Variants in NEGR1 observed in about 807,000 individuals in gnomAD.
NEGR1 encodes the protein IgLON family member 4.
A neutral mutation model predicts 40.9 loss-of-function variants in NEGR1; 10 were observed. The observed-to-expected ratio is 0.24, with a 90% CI of 0.15 to 0.42. The LOEUF is 0.42. Among genes scored for constraint, NEGR1 ranks in the 10% least tolerant of loss-of-function variants. NEGR1 has a pLI of 1.00. For synonymous variants in NEGR1, 185 were observed against 166.8 expected, an observed-to-expected ratio of 1.11 and a Z score of -0.84; for missense variants, 352 against 438.9, an observed-to-expected ratio of 0.80 and a Z score of 1.77.
intron 1 of NEGR1, among the ~76,000 whole-genome samples, chr1:72,122,721 A>G (rs1485640058): frequency 6.6e-6 from 1 of 151,920 alleles, no homozygotes; most frequent in Non-Finnish European, 1.5e-5. Context: ...CTCCCATGGT[A>G]GCAATTTTTA....
intron 6 of NEGR1, among the ~76,000 whole-genome samples, chr1:71,480,020 CT>C (rs1202218729): frequency 6.6e-6 from 1 of 151,788 alleles, no homozygotes; most frequent in Non-Finnish European, 1.5e-5. Flanking sequence ...TATTTTAAGG[CT>C]TTTGAAGCAG....
rs569124302 is a variant in NEGR1 at position 71,645,258 on chromosome 1, T to C, written c.668-34112A>G. Among the ~76,000 whole-genome samples, 3 of 152,166 alleles carry C rather than the reference T, an allele frequency of 2.0e-5. No individual in the cohort carries two copies. The South Asian group carries it at 6.2e-4, about 31-fold the overall frequency. ...AATAATGCAAGCACTTTCAGAGTGC[T>C]TTGCACATAGTATGCATAGTACTCA... is the stretch of plus-strand genomic sequence containing the variant. On this transcript the variant is annotated intron_variant, in intron 4 of 6. Transcript: ENST00000357731.
chr1:71,611,170 A>C (rs768570798), intron 4 of NEGR1, 24 bp from the exon 5 acceptor site: 1 of 1,598,220 alleles, frequency 6.3e-7, no homozygotes, highest in Non-Finnish European at 8.6e-7. Flanking sequence ...AAACAAACAA[A>C]TACTAGTAGA....
chr1:71,786,429 G>A (rs909877914), intron 2 of NEGR1, among the ~76,000 whole-genome samples: 2 of 152,152 alleles, frequency 1.3e-5, no homozygotes, highest in Non-Finnish European at 2.9e-5. Flanking sequence ...CTGTGCTCTA[G>A]AAAGGGAGTG....
chr1:72,240,740 C>CTA (rs1654705247), intron 1 of NEGR1, among the ~76,000 whole-genome samples: 1 of 151,792 alleles, frequency 6.6e-6, no homozygotes, highest in Admixed American at 6.6e-5. Context: ...AGAAAGTTAG[C>CTA]CAAAGCTTTT....
intron 1 of NEGR1, among the ~76,000 whole-genome samples, chr1:72,217,716 G>T (rs1386950491): frequency 6.6e-6 from 1 of 151,750 alleles, no homozygotes; most frequent in Non-Finnish European, 1.5e-5. Flanking sequence ...ATTTGTCTTT[G>T]TGCAAAACAG....
intron 1 of NEGR1, among the ~76,000 whole-genome samples, chr1:72,057,310 T>A (rs1569890203): frequency 6.6e-6 from 1 of 151,570 alleles, no homozygotes; most frequent in Non-Finnish European, 1.5e-5. Context: ...AAACTTAATT[T>A]TTTTTTGCAA....
intron 5 of NEGR1, among the ~76,000 whole-genome samples, chr1:71,593,733 G>A (rs972873293): frequency 3.9e-5 from 6 of 152,148 alleles, no homozygotes; most frequent in African/African-American, 4.8e-5. Flanking sequence ...CTCAATGCAT[G>A]TTGTACCTAC....
chr1:72,184,877 C>G lies in NEGR1; in HGVS notation c.176+97442G>C, dbSNP rs80102852. On this transcript the variant is annotated intron_variant, in intron 1 of 6. Transcript: ENST00000357731. ...ACAATGCTTACCTTATAGGGTTATT[C>G]TAAGGATTAAATGAGAGAACATGAA... 2.6e-5 allele frequency among the ~76,000 whole-genome samples: 4 copies of G among 152,044 alleles called. No individual in the cohort carries two copies. In the East Asian group the frequency reaches 5.8e-4, roughly 22 times the overall value.
At chr1:71,965,008 T>A (rs1391492452) in intron 1 of NEGR1, among the ~76,000 whole-genome samples, 1 of 152,134 alleles carries the variant, frequency 6.6e-6, no homozygotes, top group Non-Finnish European at 1.5e-5. Flanking sequence ...TTTTAGTTGT[T>A]GGTTTAGTAG....
chr1:72,166,196 A>T (rs989259333), intron 1 of NEGR1, among the ~76,000 whole-genome samples: 5 of 152,092 alleles, frequency 3.3e-5, no homozygotes, highest in Non-Finnish European at 4.4e-5. Context: ...TACCAAAAAT[A>T]AAAGAGACTT....
At chr1:71,824,227 C>T (rs1226563995) in intron 2 of NEGR1, among the ~76,000 whole-genome samples, 1 of 151,886 alleles carries the variant, frequency 6.6e-6, no homozygotes, top group Non-Finnish European at 1.5e-5. Context: ...CAGAATAGGG[C>T]AAAACCTAGT....
chr1:72,273,096 A>C (rs1028338524), intron 1 of NEGR1, among the ~76,000 whole-genome samples: 2 of 151,944 alleles, frequency 1.3e-5, no homozygotes, highest in Admixed American at 6.6e-5. Flanking sequence ...CAACATTATA[A>C]ATCAAAGCCA....
At chr1:71,855,127 G>T (rs748202964) in intron 2 of NEGR1, among the ~76,000 whole-genome samples, 2 of 152,100 alleles carry the variant, frequency 1.3e-5, no homozygotes, top group Non-Finnish European at 2.9e-5. Flanking sequence ...TAGGCATGTA[G>T]AAGTTCTATA....
At chr1:71,408,292 T>G (rs553812080) in intron 6 of NEGR1, among the ~76,000 whole-genome samples, 1 of 152,074 alleles carries the variant, frequency 6.6e-6, no homozygotes, top group East Asian at 1.9e-4. Context: ...AGGCCCGAAG[T>G]GGAGGGAATT....
chr1:71,713,950 C>A (rs1191714634), intron 3 of NEGR1, among the ~76,000 whole-genome samples: 1 of 152,052 alleles, frequency 6.6e-6, no homozygotes, highest in Non-Finnish European at 1.5e-5. Context: ...AAATTTTTAA[C>A]CTCTGTTAGG....
At chr1:71,418,499 T>C (rs930942822) in intron 6 of NEGR1, among the ~76,000 whole-genome samples, 6 of 151,970 alleles carry the variant, frequency 3.9e-5, no homozygotes, top group African/African-American at 1.5e-4. Flanking sequence ...AGTTTTAATA[T>C]GTAGCTCCTC....
intron 1 of NEGR1, among the ~76,000 whole-genome samples, chr1:72,181,085 G>C (rs1006422946): frequency 6.6e-6 from 1 of 152,112 alleles, no homozygotes; most frequent in Non-Finnish European, 1.5e-5. Flanking sequence ...CAGTGGTAAA[G>C]AACACACTAG....
At chr1:72,216,738 G>A (rs1349377389) in intron 1 of NEGR1, among the ~76,000 whole-genome samples, 2 of 151,066 alleles carry the variant, frequency 1.3e-5, no homozygotes, top group Non-Finnish European at 3.0e-5. Flanking sequence ...AAATTAATGT[G>A]ATTATTGAGA....
Sources: allele counts gnomAD v4.1 joint callset (sites outside exome capture counted in the v4.1 genomes callset), GRCh38; gene constraint gnomAD v4.1.1; transcripts MANE v1.5; gene names NCBI Gene and HGNC (gene_info 2026-07-23, HGNC 2026-07-21).